JAK2: variants seen among roughly 807,000 people sequenced by gnomAD.
JAK2 encodes the protein Janus kinase 2.
In JAK2, 86 loss-of-function variants were observed where a neutral mutation model predicts 139.3. The ratio of observed to expected loss-of-function variants is 0.62; its 90% CI spans 0.52 to 0.74. The LOEUF (loss-of-function observed/expected upper bound fraction) is 0.74, where lower values mean the gene tolerates loss of function less well. JAK2 is among the 30% of genes least tolerant of loss of function. The probability of loss-of-function intolerance (pLI) is 0.00; values close to 1 mark genes in which losing one functional copy is unlikely to be tolerated. For missense variants in JAK2, 1,421 were observed against 1,360.3 expected (o/e 1.04, Z -0.70); for synonymous variants, 490 against 437.7 (o/e 1.12, Z -1.49).
chr9:5,045,081 GCTTT>G (rs1330960096), intron 5 of JAK2, among the ~76,000 whole-genome samples: 5 of 152,122 alleles, frequency 3.3e-5, no homozygotes, highest in Admixed American at 3.3e-4. Flanking sequence ...ATTTCATAAT[GCTTT>G]CTTCTCTATT....
rs967330341 is a variant in JAK2 at position 5,081,993 on chromosome 9, G to A, written c.2571+132G>A. 6.8e-6 allele frequency: 5 copies of A among 734,510 alleles called. No individual in the cohort carries two copies. In the Middle Eastern group the frequency reaches 8.1e-4, roughly 119 times the overall value. 45.5% of individuals were successfully genotyped at this position (734,510 alleles called of 1,614,324 possible). ...GAAAAAAAAGGTTTGGTTGTCAGAT[G>A]TTGGAGAAATGCTGTGTTAAATAAA... is the stretch of plus-strand genomic sequence containing the variant. On this transcript the variant is annotated intron_variant, in intron 19 of 24. Coordinates refer to ENST00000381652, the MANE Select transcript of JAK2 (RefSeq NM_004972.4).
rs139341502 is a variant in JAK2 at position 5,019,431 on chromosome 9, A to G, written c.-25-2532A>G. Reference sequence around the variant, plus strand: ...TGGTAAATTTCTCATTGATATCCTGAGTTGTTTTTCTGGTTTCTTTGTATT... The same window carrying G: ...TGGTAAATTTCTCATTGATATCCTGGGTTGTTTTTCTGGTTTCTTTGTATT... On this transcript the variant is annotated intron_variant, in intron 2 of 24. Coordinates refer to ENST00000381652, the MANE Select transcript of JAK2 (RefSeq NM_004972.4). Among the ~76,000 whole-genome samples the G allele has an allele frequency of 2.6e-4, 39 of 151,760 alleles. No homozygotes were observed. In the East Asian group the frequency reaches 7.6e-3, roughly 29 times the overall value.
chr9:5,095,029 C>T (rs1299420473), intron 22 of JAK2: 1 of 150,484 alleles, frequency 6.6e-6, no homozygotes, highest in Admixed American at 6.7e-5. Context: ...GGAAATATGT[C>T]TGACAAAAGA....
intron 2 of JAK2, among the ~76,000 whole-genome samples, chr9:5,007,125 C>T (rs909123982): frequency 2.0e-5 from 3 of 151,764 alleles, no homozygotes; most frequent in African/African-American, 7.3e-5. Context: ...TCTCTGATTT[C>T]TGCTCTTAAG....
At chr9:4,987,734 T>TAA (rs60356569) in intron 2 of JAK2, among the ~76,000 whole-genome samples, 1 of 126,658 alleles carries the variant, frequency 7.9e-6, no homozygotes, top group African/African-American at 3.0e-5. Flanking sequence ...AGACTCTGTC[T>TAA]AAAAAAAAAA....
Position 5,066,727 on chromosome 9 carries a change from C to G in JAK2, c.1264C>G (p.Leu422Val). The G allele has an allele frequency of 1.2e-6, 2 of 1,608,426 alleles. No individual in the cohort carries two copies. Among genetic ancestry groups the G allele is most frequent in the Non-Finnish European group, 1.7e-6 (2 of 1,177,374 alleles). ...GAAGAAAGCAGGTAATCAGACTGGACTGTATGTACTTCGATGCAGTCCTAA... is the reference window on the plus strand; with the variant it reads ...GAAGAAAGCAGGTAATCAGACTGGAGTGTATGTACTTCGATGCAGTCCTAA... The part of the protein sequence containing the change: ...KLKKAGNQTG[L>V]YVLRCSPKDF... Residue 422 changes from leucine (L) to valine (V), a missense_variant, in exon 10 of 25, where the codon CTG (leucine) becomes GTG (valine). Transcript: ENST00000381652.
intron 22 of JAK2, among the ~76,000 whole-genome samples, chr9:5,102,045 G>A (rs927355190): frequency 1.4e-4 from 21 of 152,242 alleles, no homozygotes; most frequent in Middle Eastern, 3.4e-3. Flanking sequence ...TGACTTTGAC[G>A]AGCTGACAGA....
At chr9:5,011,573 A>G (rs1206549302) in intron 2 of JAK2, among the ~76,000 whole-genome samples, 1 of 152,188 alleles carries the variant, frequency 6.6e-6, no homozygotes, top group Non-Finnish European at 1.5e-5. Context: ...ATTCTATTAC[A>G]TATGTATCAT....
rs190990528 is a variant in JAK2 at position 5,108,496 on chromosome 9, A to G, written c.3060-14508A>G. ...CAAGAACTGTTAGCCTCCTTATCCA[A>G]TAATCTTATATGACTAGCATGTATT... On this transcript the variant is annotated intron_variant, in intron 22 of 24. Coordinates refer to ENST00000381652, the MANE Select transcript of JAK2 (RefSeq NM_004972.4). The G allele has an allele frequency of 1.4e-4, 22 of 152,202 alleles. 1 individual carries two copies. In the East Asian group the frequency reaches 1.5e-3, roughly 11 times the overall value. The allele number at this position is 152,202 out of a possible 1,614,324, so 9.4% of individuals were successfully genotyped here.
intron 22 of JAK2, among the ~76,000 whole-genome samples, chr9:5,104,783 C>G (rs1159675279): frequency 6.6e-6 from 1 of 152,262 alleles, no homozygotes; most frequent in East Asian, 1.9e-4. Context: ...TAATCCATAA[C>G]ATAAACAGAA....
At chr9:5,089,341 A>G (rs1820380840) in intron 19 of JAK2, among the ~76,000 whole-genome samples, 1 of 152,056 alleles carries the variant, frequency 6.6e-6, no homozygotes, top group African/African-American at 2.4e-5. Context: ...GATCAAGACA[A>G]TCCTGGCTAA....
intron 4 of JAK2, among the ~76,000 whole-genome samples, chr9:5,033,869 G>A (rs1312006696): frequency 4.6e-5 from 7 of 152,086 alleles, no homozygotes; most frequent in African/African-American, 1.4e-4. Flanking sequence ...CATAAAGACC[G>A]GATCAAATTC....
Position 5,070,941 on chromosome 9 carries a change from G to A in JAK2, c.1641+889G>A, listed in dbSNP as rs554987194. Among the ~76,000 whole-genome samples the A allele has an allele frequency of 2.0e-5, 3 of 152,222 alleles. No homozygotes were observed. The East Asian group carries it at 5.8e-4, about 29-fold the overall frequency. On this transcript the variant is annotated intron_variant, in intron 12 of 24. Coordinates refer to ENST00000381652, the MANE Select transcript of JAK2 (RefSeq NM_004972.4). ...TGAGACTATCCCTGAGTAAAACCAG[G>A]ACACTTAAGTAAATACATCCTCAGT... is the stretch of plus-strand genomic sequence containing the variant.
chr9:5,069,380 T>C (rs1818792011), intron 11 of JAK2, among the ~76,000 whole-genome samples, 172 bp downstream of exon 11: 1 of 152,142 alleles, frequency 6.6e-6, no homozygotes, highest in African/African-American at 2.4e-5. Flanking sequence ...TACTTTGGTT[T>C]TGGTGGTCTA....
chr9:4,993,149 C>T (rs547691771), intron 2 of JAK2, among the ~76,000 whole-genome samples: 10 of 152,302 alleles, frequency 6.6e-5, no homozygotes, highest in African/African-American at 2.4e-4. Flanking sequence ...ATAATCTGTA[C>T]TGCCATACCC....
At chr9:5,080,721 C>CTA in intron 18 of JAK2, 38 bp downstream of exon 18, 1 of 1,443,264 alleles carries the variant, frequency 6.9e-7, no homozygotes. Context: ...TTCCAGCTTT[C>CTA]TATCTTTATT....
At chr9:5,050,054 G>A (rs768386354) in intron 5 of JAK2, among the ~76,000 whole-genome samples, 2 of 151,910 alleles carry the variant, frequency 1.3e-5, no homozygotes, top group African/African-American at 2.4e-5. Flanking sequence ...ACCACTTGTA[G>A]TATGATACTT....
chr9:5,106,232 G>A (rs142176780), intron 22 of JAK2, among the ~76,000 whole-genome samples: 3,916 of 152,240 alleles, frequency 0.026, 184 homozygotes, highest in African/African-American at 0.09. Flanking sequence ...CAAAAAGTGG[G>A]CAAAGGATAT....
intron 12 of JAK2, among the ~76,000 whole-genome samples, chr9:5,070,836 A>G (rs1340753605): frequency 6.6e-6 from 1 of 152,132 alleles, no homozygotes; most frequent in Non-Finnish European, 1.5e-5. Context: ...ATGATCAGCC[A>G]CATTTATCAA....
Sources: allele counts gnomAD v4.1 joint callset (sites outside exome capture counted in the v4.1 genomes callset), GRCh38; gene constraint gnomAD v4.1.1; transcripts MANE v1.5; gene names NCBI Gene and HGNC (gene_info 2026-07-23, HGNC 2026-07-21).